TAFA4: variants seen among roughly 807,000 people sequenced by gnomAD.
The protein encoded by TAFA4 is TAFA chemokine like family member 4, also known as chemokine-like protein TAFA-4.
TAFA4 carries 20 observed loss-of-function variants against 21.1 expected under a neutral mutation model. That is an observed-to-expected ratio of 0.95 (90% CI 0.67 to 1.38). The LOEUF (loss-of-function observed/expected upper bound fraction) is 1.38. Ranked by LOEUF, TAFA4 falls within the 40% of genes most tolerant of loss-of-function variation. TAFA4 has a pLI of 0.00. For synonymous variants in TAFA4, 71 were observed against 67.4 expected (o/e 1.05, Z -0.26); for missense variants, 211 against 180.9 (o/e 1.17, Z -0.95).
intron 1 of TAFA4, among the ~76,000 whole-genome samples, chr3:68,911,732 T>A (rs182151548): frequency 6.6e-6 from 1 of 152,270 alleles, no homozygotes; most frequent in East Asian, 1.9e-4. Flanking sequence ...TTAATTTAAG[T>A]CGGTATGTCA....
intron 3 of TAFA4, among the ~76,000 whole-genome samples, chr3:68,801,201 G>C (rs1463997505): frequency 3.3e-5 from 5 of 152,120 alleles, no homozygotes; most frequent in African/African-American, 1.2e-4. Flanking sequence ...TTTTCTGATG[G>C]TCATAGACAT....
intron 3 of TAFA4, among the ~76,000 whole-genome samples, chr3:68,827,595 G>T (rs1224898616): frequency 6.6e-6 from 1 of 152,160 alleles, no homozygotes; most frequent in South Asian, 2.1e-4. Flanking sequence ...GCAAGAGATG[G>T]TATCTCATTG....
Position 68,733,169 on chromosome 3 carries a change from A to T in TAFA4, c.412-16T>A, listed in dbSNP as rs1559752082. 2 of 1,612,906 alleles carry T rather than the reference A, an allele frequency of 1.2e-6. No individual in the cohort carries two copies. The highest frequency in any genetic ancestry group is 3.3e-5 in the Admixed American group (2 of 59,962). On this transcript the variant is annotated splice_polypyrimidine_tract_variant and intron_variant, in intron 5 of 5. Coordinates refer to ENST00000295569, the MANE Select transcript of TAFA4 (RefSeq NM_182522.5). The stretch of plus-strand genomic sequence containing the variant: ...ACCGCGTTACCTAAAACAAATCAAA[A>T]TAAGGGAACATTCAACACTCTATAC...
At chr3:68,770,312 G>A (rs1219418215) in intron 3 of TAFA4, among the ~76,000 whole-genome samples, 1 of 152,124 alleles carries the variant, frequency 6.6e-6, no homozygotes, top group African/African-American at 2.4e-5. Context: ...CTGTTATAAG[G>A]GTAGAAAAGT....
chr3:68,915,958 AGACTTT>A (rs1357205286), intron 1 of TAFA4: 1 of 152,238 alleles, frequency 6.6e-6, no homozygotes, highest in African/African-American at 2.4e-5. Context: ...TCATCTCCTT[AGACTTT>A]AAGTGACTAT....
intron 3 of TAFA4, among the ~76,000 whole-genome samples, chr3:68,813,403 A>T (rs1176457213): frequency 1.3e-5 from 2 of 152,166 alleles, no homozygotes; most frequent in African/African-American, 2.4e-5. Context: ...TGAAAAGAAC[A>T]AAATTGATAG....
intron 3 of TAFA4, among the ~76,000 whole-genome samples, chr3:68,867,893 A>C (rs972604210): frequency 2.6e-5 from 4 of 152,120 alleles, no homozygotes; most frequent in African/African-American, 7.2e-5. Context: ...CAGAGAAAAA[A>C]ATCACATAGC....
intron 3 of TAFA4, among the ~76,000 whole-genome samples, chr3:68,854,223 C>T (rs1339856284): frequency 6.6e-6 from 1 of 151,934 alleles, no homozygotes; most frequent in Non-Finnish European, 1.5e-5. Flanking sequence ...GTGGAGGGAA[C>T]ACAGGCCTGA....
intron 1 of TAFA4, among the ~76,000 whole-genome samples, chr3:68,891,314 T>G (rs2089728136): frequency 6.6e-6 from 1 of 152,222 alleles, no homozygotes; most frequent in African/African-American, 2.4e-5. Context: ...AAACAGAATC[T>G]GCTTAATAAC....
At chr3:68,743,359 TGAGGTCAA>T (rs1364020648) in intron 4 of TAFA4, among the ~76,000 whole-genome samples, 1 of 152,004 alleles carries the variant, frequency 6.6e-6, no homozygotes, top group Non-Finnish European at 1.5e-5. Flanking sequence ...GCAGATCACT[TGAGGTCAA>T]GAGTTCAAGA....
rs897653090 is a variant in TAFA4, at chr3:68,790,279, GA to G, written c.131-37262del. Reference sequence around the variant, plus strand: ...AAGCCCTAGAGCAATCACTAAAAAAGAAAAAAAAAGAAGCATAAAAAAGTCA... The same window carrying G: ...AAGCCCTAGAGCAATCACTAAAAAAGAAAAAAAAGAAGCATAAAAAAGTCA... On this transcript the variant is annotated intron_variant, in intron 3 of 5. Transcript: ENST00000295569. 6.4e-5 allele frequency among the ~76,000 whole-genome samples: 9 copies of G among 141,150 alleles called. No homozygotes were observed. The South Asian group carries it at 8.9e-4, about 14-fold the overall frequency. The allele number at this position is 141,150 out of a possible 152,430, so 92.6% of individuals were successfully genotyped here.
chr3:68,849,383 C>A (rs1207222700), intron 3 of TAFA4, among the ~76,000 whole-genome samples: 1 of 152,148 alleles, frequency 6.6e-6, no homozygotes, highest in East Asian at 1.9e-4. Flanking sequence ...CATGAGATAA[C>A]AGGTTCCAAT....
intron 3 of TAFA4, among the ~76,000 whole-genome samples, chr3:68,858,634 T>G (rs751984238): frequency 6.6e-6 from 1 of 150,892 alleles, no homozygotes; most frequent in African/African-American, 2.4e-5. Context: ...TGCATTCACA[T>G]AGATGCAAGT....
intron 4 of TAFA4, among the ~76,000 whole-genome samples, chr3:68,748,658 C>T (rs370987077): frequency 1.3e-5 from 2 of 151,760 alleles, no homozygotes; most frequent in East Asian, 3.9e-4. Context: ...ACAGGAGAAA[C>T]ACTTGAACCC....
chr3:68,772,147 T>G (rs1431020938), intron 3 of TAFA4, among the ~76,000 whole-genome samples: 1 of 152,176 alleles, frequency 6.6e-6, no homozygotes, highest in African/African-American at 2.4e-5. Context: ...CAAGACCATA[T>G]GGAATTCAGA....
rs149894946 is a variant in TAFA4, at chr3:68,858,350, T to G, written c.130+22380A>C. ...TTACACAACTTCTCTTTTGTAGTTA[T>G]TAATGCTGGAACGCAGATTAATAAC... On this transcript the variant is annotated intron_variant, in intron 3 of 5. Coordinates refer to ENST00000295569, the MANE Select transcript of TAFA4 (RefSeq NM_182522.5). Among the ~76,000 whole-genome samples, 623 of 152,226 alleles carry G rather than the reference T, an allele frequency of 4.1e-3. 5 individuals are homozygous for G. The highest frequency in any genetic ancestry group is 6.3e-3 in the Non-Finnish European group (430 of 68,012).
intron 5 of TAFA4, among the ~76,000 whole-genome samples, chr3:68,737,016 C>T (rs907476514): frequency 1.3e-5 from 2 of 152,136 alleles, no homozygotes; most frequent in African/African-American, 4.8e-5. Context: ...CCAAAATGCC[C>T]CTAAAGGTTT....
At chr3:68,821,091 C>T (rs1158038155) in intron 3 of TAFA4, among the ~76,000 whole-genome samples, 3 of 152,176 alleles carry the variant, frequency 2.0e-5, no homozygotes, top group Non-Finnish European at 2.9e-5. Context: ...ACAGCCAATA[C>T]TCCCAGGTTA....
At chr3:68,765,311 T>C (rs1050478997) in intron 3 of TAFA4, among the ~76,000 whole-genome samples, 2 of 152,204 alleles carry the variant, frequency 1.3e-5, no homozygotes, top group Non-Finnish European at 2.9e-5. Context: ...AAGTTTCTAC[T>C]TGTACATTTT....
Sources: gnomAD v4.1 joint callset for allele counts (sites outside exome capture counted in the v4.1 genomes callset) on GRCh38, gnomAD v4.1.1 for gene constraint, MANE v1.5 for transcripts, NCBI Gene and HGNC (gene_info 2026-07-23, HGNC 2026-07-21) for gene names.